GAS7: variants seen among roughly 807,000 people sequenced by gnomAD.
GAS7 encodes growth arrest-specific protein 7.
Under a neutral mutation model 71.1 loss-of-function variants are expected in GAS7, and 28 were observed. The ratio of observed to expected loss-of-function variants is 0.39; its 90% confidence interval spans 0.29 to 0.54. GAS7 has a LOEUF of 0.54. Ranked by LOEUF, GAS7 falls within the 20% of genes least tolerant of loss-of-function variation. The pLI is 0.62. For missense variants in GAS7, 436 were observed against 627.8 expected (o/e 0.69, Z 3.27); for synonymous variants, 258 against 245.8 (o/e 1.05, Z -0.46).
At chr17:9,962,980 G>A (rs184479284) in intron 4 of GAS7, among the ~76,000 whole-genome samples, 52 of 149,944 alleles carry the variant, frequency 3.5e-4, no homozygotes, top group African/African-American at 1.1e-3. Context: ...GACCAAGAAC[G>A]CAGGTTATTC....
At chr17:10,118,492 C>G (rs558810777) in intron 1 of GAS7, among the ~76,000 whole-genome samples, 1 of 151,786 alleles carries the variant, frequency 6.6e-6, no homozygotes, top group African/African-American at 2.4e-5. Context: ...TGGTGGATCC[C>G]TTGAGGTCCG....
At chr17:9,951,598 A>G (rs1265663101) in intron 5 of GAS7, among the ~76,000 whole-genome samples, 1 of 152,050 alleles carries the variant, frequency 6.6e-6, no homozygotes, top group Admixed American at 6.6e-5. Flanking sequence ...CTCTACTAAA[A>G]ATACAAAATT....
intron 2 of GAS7, among the ~76,000 whole-genome samples, chr17:10,004,077 GT>G (rs1488875354): frequency 6.6e-6 from 1 of 152,206 alleles, no homozygotes; most frequent in Admixed American, 6.5e-5. Context: ...GTGTTTAGAG[GT>G]GGAAAGGACT....
At chr17:10,175,340 T>C (rs885957) in intron 1 of GAS7, among the ~76,000 whole-genome samples, 36,715 of 151,588 alleles carry the variant, frequency 0.24, 4,522 homozygotes, top group South Asian at 0.26. Flanking sequence ...TTGTGTGAGT[T>C]TGCTGGGGCT....
chr17:10,118,994 C>A (rs1007807343), intron 1 of GAS7, among the ~76,000 whole-genome samples: 2 of 152,162 alleles, frequency 1.3e-5, no homozygotes, highest in African/African-American at 2.4e-5. Flanking sequence ...GCCATTCATT[C>A]ATTTGACAAA....
intron 4 of GAS7, among the ~76,000 whole-genome samples, chr17:9,964,102 C>A (rs1268601603): frequency 6.6e-6 from 1 of 152,036 alleles, no homozygotes; most frequent in African/African-American, 2.4e-5. Context: ...TTTAAATTTC[C>A]TTTGCCTGTG....
chr17:10,163,363 T>C (rs1156848791), intron 1 of GAS7, among the ~76,000 whole-genome samples: 1 of 151,270 alleles, frequency 6.6e-6, no homozygotes, highest in Non-Finnish European at 1.5e-5. Context: ...TGACCTCCAG[T>C]GATCCGCTTG....
chr17:10,058,679 C>T (rs961758464), intron 1 of GAS7, among the ~76,000 whole-genome samples: 12 of 152,166 alleles, frequency 7.9e-5, no homozygotes, highest in African/African-American at 2.9e-4. Context: ...GGTGAGATGC[C>T]TTATAGTTTG....
At chr17:10,181,213 A>G (rs1413616215) in intron 1 of GAS7, among the ~76,000 whole-genome samples, 3 of 146,616 alleles carry the variant, frequency 2.0e-5, no homozygotes, top group Non-Finnish European at 3.1e-5. Context: ...ACAAAAAATT[A>G]GCTGGGCGTG....
intron 2 of GAS7, among the ~76,000 whole-genome samples, chr17:10,016,724 G>A (rs2152200608): frequency 6.8e-6 from 1 of 148,136 alleles, no homozygotes; most frequent in South Asian, 2.1e-4. Flanking sequence ...GACCAGCCTG[G>A]GTAACATGGC....
chr17:10,118,704 CAAAAA>C lies in GAS7; in HGVS notation c.183+79499_183+79503del, dbSNP rs34461299. On this transcript the variant is annotated intron_variant, in intron 1 of 13. Transcript: ENST00000432992. ...GGGGGACAGAGTGAGACTCTGTCTCCAAAAAAAAAAAAAAAAAAAAAAGCCCTTGT... is the reference window on the plus strand; with the variant it reads ...GGGGGACAGAGTGAGACTCTGTCTCCAAAAAAAAAAAAAAAAAGCCCTTGT... Among the ~76,000 whole-genome samples, 53 of 70,120 alleles carry C rather than the reference CAAAAA, an allele frequency of 7.6e-4. 1 individual carries two copies. In the South Asian group the frequency reaches 0.031, roughly 41 times the overall value. The allele number at this position is 70,120 out of a possible 152,430, so 46.0% of individuals were successfully genotyped here.
intron 6 of GAS7, 150 bp from the exon 7 acceptor site, chr17:9,943,386 G>A (rs762894481): frequency 4.2e-5 from 26 of 619,102 alleles, no homozygotes; most frequent in South Asian, 2.1e-4. Flanking sequence ...GCCCTAACTC[G>A]GATCTCTCTC....
intron 1 of GAS7, among the ~76,000 whole-genome samples, chr17:10,079,957 C>T (rs990170569): frequency 2.6e-5 from 4 of 152,144 alleles, no homozygotes; most frequent in African/African-American, 9.7e-5. Flanking sequence ...AATGTACTGA[C>T]TTTGGAGGTG....
At chr17:9,950,419 G>A (rs1433298078) in intron 5 of GAS7, among the ~76,000 whole-genome samples, 3 of 152,172 alleles carry the variant, frequency 2.0e-5, no homozygotes, top group Admixed American at 6.5e-5. Context: ...GGCTGAAGCA[G>A]GAGGATCTCT....
At chr17:10,015,383 G>C (rs772738974) in intron 2 of GAS7, among the ~76,000 whole-genome samples, 2 of 152,102 alleles carry the variant, frequency 1.3e-5, no homozygotes, top group Non-Finnish European at 2.9e-5. Context: ...CTTAGAACCG[G>C]GACTGCACTT....
At chr17:10,182,551 C>A (rs576809204) in intron 1 of GAS7, among the ~76,000 whole-genome samples, 1 of 152,312 alleles carries the variant, frequency 6.6e-6, no homozygotes, top group Admixed American at 6.5e-5. Context: ...ATGTGGCCTC[C>A]CAGGCTCAGC....
chr17:10,167,261 T>C (rs1167746313), intron 1 of GAS7, among the ~76,000 whole-genome samples: 2 of 151,586 alleles, frequency 1.3e-5, no homozygotes, highest in Non-Finnish European at 1.5e-5. Context: ...TTCTCCATGT[T>C]GGTCAGGCTG....
chr17:10,190,827 G>A (rs1480311941), intron 1 of GAS7, among the ~76,000 whole-genome samples: 1 of 150,684 alleles, frequency 6.6e-6, no homozygotes, highest in Non-Finnish European at 1.5e-5. Flanking sequence ...TATAGCTGAT[G>A]AGCTAAAAAA....
At chr17:9,963,435 G>T (rs1416413892) in intron 4 of GAS7, among the ~76,000 whole-genome samples, 1 of 152,122 alleles carries the variant, frequency 6.6e-6, no homozygotes, top group East Asian at 1.9e-4. Flanking sequence ...TGAATTGTAT[G>T]GGTATGTGAA....
Sources: allele counts gnomAD v4.1 joint callset (sites outside exome capture counted in the v4.1 genomes callset), GRCh38; gene constraint gnomAD v4.1.1; transcripts MANE v1.5; gene names NCBI Gene and HGNC (gene_info 2026-07-23, HGNC 2026-07-21).